RBFOX1: variants seen among roughly 807,000 people sequenced by gnomAD.
RBFOX1 encodes RNA binding fox-1 homolog 1, also known as RNA binding protein fox-1 homolog 1.
In RBFOX1, 8 loss-of-function variants were observed where a neutral mutation model predicts 57.7. That is an observed-to-expected ratio of 0.14 (90% CI 0.08 to 0.25). RBFOX1 has a LOEUF of 0.25. Among genes scored for constraint, RBFOX1 ranks in the 10% least tolerant of loss-of-function variants. RBFOX1 has a pLI of 1.00. For synonymous variants in RBFOX1, 326 were observed against 222.4 expected (o/e 1.47, Z -4.15); for missense variants, 611 against 548.5 (o/e 1.11, Z -1.14).
chr16:6,612,997 C>G (rs930415581), intron 2 of RBFOX1, among the ~76,000 whole-genome samples: 3 of 142,822 alleles, frequency 2.1e-5, no homozygotes, highest in Non-Finnish European at 4.5e-5. Flanking sequence ...AGGTGCCAGT[C>G]CCAGCATGTG....
At chr16:5,844,519 T>C (rs1221418890) in intron 3 of RBFOX1, among the ~76,000 whole-genome samples, 1 of 152,180 alleles carries the variant, frequency 6.6e-6, no homozygotes, top group African/African-American at 2.4e-5. Flanking sequence ...GCGTTCACCT[T>C]GGACATGTGT....
At chr16:5,393,296 T>C (rs1305117344) in intron 1 of RBFOX1, among the ~76,000 whole-genome samples, 3 of 152,172 alleles carry the variant, frequency 2.0e-5, no homozygotes, top group East Asian at 1.9e-4. Flanking sequence ...ACATGGATGA[T>C]TGGGGGTTGG....
intron 4 of RBFOX1, among the ~76,000 whole-genome samples, chr16:7,218,975 A>G (rs1312830461): frequency 6.6e-6 from 1 of 152,094 alleles, no homozygotes; most frequent in Non-Finnish European, 1.5e-5. Context: ...TGCTGGTTCC[A>G]AAAAACTGCC....
At chr16:7,710,176 CAAGTT>C in intron 15 of RBFOX1, 2 of 1,023,134 alleles carry the variant, frequency 2.0e-6, no homozygotes, top group South Asian at 4.0e-5. Context: ...CTTACAGAGC[CAAGTT>C]AAGTAAGAAG....
intron 1 of RBFOX1, among the ~76,000 whole-genome samples, chr16:6,036,754 A>C (rs1178947456): frequency 1.3e-5 from 2 of 152,202 alleles, no homozygotes; most frequent in East Asian, 3.8e-4. Context: ...GCACCAGTGA[A>C]CTTCAAGGGC....
intron 3 of RBFOX1, among the ~76,000 whole-genome samples, chr16:6,945,718 C>A (rs2079369928): frequency 6.6e-6 from 1 of 152,006 alleles, no homozygotes; most frequent in Admixed American, 6.6e-5. Context: ...TGGTGAAAAC[C>A]CGTCTCTACT....
At chr16:5,737,718 G>T (rs2052629283) in intron 3 of RBFOX1, among the ~76,000 whole-genome samples, 1 of 152,216 alleles carries the variant, frequency 6.6e-6, no homozygotes, top group East Asian at 1.9e-4. Flanking sequence ...AAGATTGGAT[G>T]ATGGCTGCAC....
At chr16:6,600,473 A>G (rs1308148537) in intron 2 of RBFOX1, among the ~76,000 whole-genome samples, 2 of 152,188 alleles carry the variant, frequency 1.3e-5, no homozygotes, top group Non-Finnish European at 2.9e-5. Flanking sequence ...TCTGAAAAGA[A>G]CCAGATAGCA....
chr16:6,075,166 C>T (rs148819529), intron 1 of RBFOX1, among the ~76,000 whole-genome samples: 27 of 152,234 alleles, frequency 1.8e-4, no homozygotes, highest in African/African-American at 5.5e-4. Flanking sequence ...ACTTGAACAA[C>T]GTCAGACACG....
intron 4 of RBFOX1, among the ~76,000 whole-genome samples, chr16:7,105,772 A>C (rs1481725935): frequency 9.0e-6 from 1 of 111,512 alleles, no homozygotes; most frequent in Non-Finnish European, 1.8e-5. Context: ...CTATATATCT[A>C]TGTAGATGTA....
intron 1 of RBFOX1, among the ~76,000 whole-genome samples, chr16:6,253,636 T>A (rs996135447): frequency 6.6e-6 from 1 of 151,482 alleles, no homozygotes; most frequent in African/African-American, 2.4e-5. Flanking sequence ...GATGGATAGA[T>A]AGATAATAGT....
intron 2 of RBFOX1, among the ~76,000 whole-genome samples, chr16:6,520,265 A>C (rs1026521090): frequency 2.6e-5 from 4 of 152,218 alleles, no homozygotes; most frequent in Non-Finnish European, 5.9e-5. Context: ...GAATTTTGAT[A>C]GTATTGCTTT....
chr16:5,887,068 C>A (rs1448268903), intron 4 of RBFOX1, among the ~76,000 whole-genome samples: 1 of 152,150 alleles, frequency 6.6e-6, no homozygotes, highest in Non-Finnish European at 1.5e-5. Context: ...ATGTCGGTAG[C>A]ATTTTCTCCC....
At chr16:6,133,440 A>T (rs571565388) in intron 1 of RBFOX1, among the ~76,000 whole-genome samples, 1 of 152,262 alleles carries the variant, frequency 6.6e-6, no homozygotes, top group Admixed American at 6.5e-5. Context: ...TACCACTTAC[A>T]TTCCCTGCCT....
intron 3 of RBFOX1, among the ~76,000 whole-genome samples, chr16:7,018,735 C>T (rs1022034755): frequency 4.6e-5 from 7 of 151,414 alleles, no homozygotes; most frequent in African/African-American, 1.2e-4. Context: ...CACCTGTATA[C>T]ACATGTAACA....
At chr16:7,691,034 T>A (rs182464924) in intron 14 of RBFOX1, among the ~76,000 whole-genome samples, 100 of 152,252 alleles carry the variant, frequency 6.6e-4, no homozygotes, top group Admixed American at 1.8e-3. Flanking sequence ...TTCATGGAAT[T>A]AATTAATGAA....
chr16:7,321,113 ATATACATATACATATACT>A (rs776989577), intron 4 of RBFOX1, among the ~76,000 whole-genome samples: 5,107 of 150,424 alleles, frequency 0.034, 115 homozygotes, highest in South Asian at 0.058. Flanking sequence ...ATACATATAC[ATATACATATACATATACT>A]TATACTTATA....
At chr16:7,218,159 C>G (rs891785891) in intron 4 of RBFOX1, among the ~76,000 whole-genome samples, 9 of 152,120 alleles carry the variant, frequency 5.9e-5, no homozygotes, top group African/African-American at 2.2e-4. Flanking sequence ...CTGACTCTTT[C>G]TAACCCTATG....
chr16:7,593,660 A>T (rs1042236508), intron 7 of RBFOX1, among the ~76,000 whole-genome samples: 1 of 146,124 alleles, frequency 6.8e-6, no homozygotes, highest in East Asian at 2.1e-4. Flanking sequence ...GTCCACTTAC[A>T]TGTGAATTTT....
Sources: allele counts gnomAD v4.1 joint callset (sites outside exome capture counted in the v4.1 genomes callset), GRCh38; gene constraint gnomAD v4.1.1; transcripts MANE v1.5; gene names NCBI Gene and HGNC (gene_info 2026-07-23, HGNC 2026-07-21).